MECOM: variants seen among roughly 807,000 people sequenced by gnomAD.
MECOM encodes the protein MDS1 and EVI1 complex locus.
MECOM carries 13 observed loss-of-function variants against 116.3 expected under a neutral mutation model. The ratio of observed to expected loss-of-function variants is 0.11; its 90% CI spans 0.07 to 0.18. The LOEUF is 0.18. MECOM is among the 10% of genes least tolerant of loss of function. The probability of loss-of-function intolerance (pLI) is 1.00; values close to 1 mark genes in which losing one functional copy is unlikely to be tolerated. For missense variants in MECOM, 1,299 were observed against 1,509.0 expected (o/e 0.86, Z 2.31); for synonymous variants, 528 against 535.2 (o/e 0.99, Z 0.19).
chr3:169,273,114 T>C (rs1352847188), intron 2 of MECOM, among the ~76,000 whole-genome samples: 1 of 152,170 alleles, frequency 6.6e-6, no homozygotes, highest in African/African-American at 2.4e-5. Context: ...GAGGAATGCA[T>C]GCATGAGTTG....
At chr3:169,562,048 A>AG (rs1762691908) in intron 1 of MECOM, among the ~76,000 whole-genome samples, 1 of 144,080 alleles carries the variant, frequency 6.9e-6, no homozygotes, top group Non-Finnish European at 1.5e-5. Context: ...TGGGAGGCTG[A>AG]GGCAGGAGAA....
At chr3:169,347,791 A>T (rs1467688401) in intron 2 of MECOM, among the ~76,000 whole-genome samples, 1 of 152,062 alleles carries the variant, frequency 6.6e-6, no homozygotes, top group African/African-American at 2.4e-5. Context: ...TAAGAGCAAG[A>T]GCTCAGGGAA....
At chr3:169,252,316 G>A (rs1756344162) in intron 2 of MECOM, among the ~76,000 whole-genome samples, 1 of 151,914 alleles carries the variant, frequency 6.6e-6, no homozygotes, top group African/African-American at 2.4e-5. Context: ...TGGGGGAGAA[G>A]ATATGCATTT....
Position 169,615,876 on chromosome 3 carries a change from A to G in MECOM, c.37+47460T>C, listed in dbSNP as rs563359784. On this transcript the variant is annotated intron_variant, in intron 1 of 16. Transcript: ENST00000651503. The stretch of plus-strand genomic sequence containing the variant: ...CTTTAATTTTATTTTTCTCACATAA[A>G]TGTTAACCAAAAACTAAATGATAAT... 8.5e-5 allele frequency among the ~76,000 whole-genome samples: 13 copies of G among 152,370 alleles called. No individual in the cohort carries two copies. The East Asian group carries it at 1.5e-3, about 18-fold the overall frequency.
chr3:169,286,869 C>A (rs1211274998), intron 2 of MECOM, among the ~76,000 whole-genome samples: 1 of 152,056 alleles, frequency 6.6e-6, no homozygotes, highest in East Asian at 1.9e-4. Flanking sequence ...ATTTGCCTCC[C>A]TTATTCTGAT....
intron 1 of MECOM, among the ~76,000 whole-genome samples, chr3:169,466,261 T>G (rs1748289228): frequency 6.6e-6 from 1 of 152,192 alleles, no homozygotes; most frequent in Admixed American, 6.5e-5. Flanking sequence ...TGTTGGTATT[T>G]AGAAGCAGGT....
At chr3:169,650,446 C>T (rs1048318929) in intron 1 of MECOM, among the ~76,000 whole-genome samples, 1 of 152,100 alleles carries the variant, frequency 6.6e-6, no homozygotes, top group Non-Finnish European at 1.5e-5. Context: ...TGACAACTTA[C>T]TTATCCTTAC....
intron 2 of MECOM, among the ~76,000 whole-genome samples, chr3:169,243,771 T>A (rs1755193953): frequency 6.6e-6 from 1 of 152,156 alleles, no homozygotes; most frequent in Admixed American, 6.5e-5. Context: ...CTCTGAAACG[T>A]CACATGGCTA....
chr3:169,222,236 GC>G (rs1436978970), intron 2 of MECOM, among the ~76,000 whole-genome samples: 1 of 152,128 alleles, frequency 6.6e-6, no homozygotes, highest in East Asian at 1.9e-4. Flanking sequence ...TCTGATATTA[GC>G]TAGCTAATTA....
chr3:169,153,069 T>C (rs892309299), intron 2 of MECOM, among the ~76,000 whole-genome samples: 2 of 152,188 alleles, frequency 1.3e-5, no homozygotes, highest in Non-Finnish European at 2.9e-5. Flanking sequence ...TTGATGTGTT[T>C]CAGTCCTAAG....
At chr3:169,150,246 AAAG>A (rs1740980813) in intron 2 of MECOM, among the ~76,000 whole-genome samples, 1 of 152,206 alleles carries the variant, frequency 6.6e-6, no homozygotes, top group Non-Finnish European at 1.5e-5. Flanking sequence ...ATGAAACAGG[AAAG>A]AAGGTTAGAG....
At position 169,472,513 on chromosome 3, in the gene MECOM, GAAAGGAAAGA is replaced by G. The variant is rs1379232604; in HGVS notation, c.38-90999_38-90990del. Among the ~76,000 whole-genome samples, 13 of 81,534 alleles carry G rather than the reference GAAAGGAAAGA, an allele frequency of 1.6e-4. 1 individual carries two copies. Among genetic ancestry groups the G allele is most frequent in the South Asian group, 1.3e-3 (3 of 2,386 alleles). The allele number at this position is 81,534 out of a possible 152,430, so 53.5% of individuals were successfully genotyped here. ...GAAAGGAAAGGAAAGGAAAGGAAAGGAAAGGAAAGAAAAGAAAAGAAAAGGAAAGGAAAGG... is the reference window on the plus strand; with the variant it reads ...GAAAGGAAAGGAAAGGAAAGGAAAGGAAAGAAAAGAAAAGGAAAGGAAAGG... On this transcript the variant is annotated intron_variant, in intron 1 of 16. Transcript: ENST00000651503.
intron 2 of MECOM, among the ~76,000 whole-genome samples, chr3:169,178,183 C>A (rs1030074541): frequency 2.6e-5 from 4 of 152,000 alleles, no homozygotes; most frequent in African/African-American, 7.3e-5. Flanking sequence ...TGTGTGAAAG[C>A]CTGCAAGCAA....
chr3:169,448,709 T>C (rs1745064028), intron 1 of MECOM, among the ~76,000 whole-genome samples: 1 of 152,200 alleles, frequency 6.6e-6, no homozygotes, highest in African/African-American at 2.4e-5. Flanking sequence ...GACATTGTCA[T>C]AACACATTGC....
chr3:169,279,056 G>T (rs1297506277), intron 2 of MECOM, among the ~76,000 whole-genome samples: 1 of 152,192 alleles, frequency 6.6e-6, no homozygotes, highest in Non-Finnish European at 1.5e-5. Context: ...TTTTAGGTTA[G>T]ATTAAGAAGT....
intron 2 of MECOM, among the ~76,000 whole-genome samples, chr3:169,206,636 C>T (rs1425684456): frequency 6.6e-6 from 1 of 151,686 alleles, no homozygotes; most frequent in Non-Finnish European, 1.5e-5. Flanking sequence ...GCCTATAATC[C>T]CAGCTGCTCA....
intron 1 of MECOM, among the ~76,000 whole-genome samples, chr3:169,644,091 T>C (rs999709268): frequency 3.3e-5 from 5 of 152,206 alleles, no homozygotes; most frequent in Non-Finnish European, 5.9e-5. Context: ...TCATATAGTA[T>C]GCTACAAAAC....
chr3:169,609,891 T>A (rs1769041539), intron 1 of MECOM, among the ~76,000 whole-genome samples: 1 of 152,194 alleles, frequency 6.6e-6, no homozygotes, highest in African/African-American at 2.4e-5. Flanking sequence ...ATAGCATTAG[T>A]TACAGGGAGA....
In MECOM at chr3:169,529,315, A is replaced by G. The variant is rs1324498144; in HGVS notation, c.37+134021T>C. Reference sequence around the variant, plus strand: ...ATTTCTTGAAAGGTTTTGAGTCATGAAAACCAGCAGGACAATAATAGTTTT... The same window carrying G: ...ATTTCTTGAAAGGTTTTGAGTCATGGAAACCAGCAGGACAATAATAGTTTT... On this transcript the variant is annotated intron_variant, in intron 1 of 16. Transcript: ENST00000651503. 3.9e-5 allele frequency among the ~76,000 whole-genome samples: 6 copies of G among 152,250 alleles called. No homozygotes were observed. In the East Asian group the frequency reaches 1.2e-3, roughly 29 times the overall value.
Sources: gnomAD v4.1 joint callset for allele counts (sites outside exome capture counted in the v4.1 genomes callset) on GRCh38, gnomAD v4.1.1 for gene constraint, MANE v1.5 for transcripts, NCBI Gene and HGNC (gene_info 2026-07-23, HGNC 2026-07-21) for gene names.